CDKL3: variants seen among roughly 807,000 people sequenced by gnomAD.
The protein encoded by CDKL3 is cyclin dependent kinase like 3.
In CDKL3, 65 loss-of-function variants were observed where a neutral mutation model predicts 69.3. That is an observed-to-expected ratio of 0.94 (90% CI 0.77 to 1.15). CDKL3 has a LOEUF of 1.15. Ranked by LOEUF, CDKL3 falls within the 50% of genes most tolerant of loss-of-function variation. The pLI, the probability that CDKL3 is intolerant of heterozygous loss-of-function variation, is 0.00. For synonymous variants in CDKL3, 202 were observed against 221.6 expected (o/e 0.91, Z 0.79); for missense variants, 652 against 689.2 (o/e 0.95, Z 0.61).
At chr5:134,300,849 T>A (rs527280614) in intron 12 of CDKL3, among the ~76,000 whole-genome samples, 43 of 152,282 alleles carry the variant, frequency 2.8e-4, no homozygotes, top group African/African-American at 9.4e-4. Flanking sequence ...ATAGTCTGCC[T>A]ACCTCAGGAG....
downstream of CDKL3, among the ~76,000 whole-genome samples, chr5:134,286,016 G>A (rs944826901): frequency 6.6e-6 from 1 of 152,192 alleles, no homozygotes. Context: ...CAGTTACTCA[G>A]GAGGCTGAGG....
downstream of CDKL3, among the ~76,000 whole-genome samples, chr5:134,296,775 C>T (rs564094017): frequency 9.1e-5 from 13 of 143,114 alleles, no homozygotes; most frequent in African/African-American, 3.5e-4. Flanking sequence ...GAACAAGACC[C>T]TGTCTCTACA....
At chr5:134,317,420 C>T (rs1771422492) in intron 6 of CDKL3, among the ~76,000 whole-genome samples, 1 of 152,178 alleles carries the variant, frequency 6.6e-6, no homozygotes, top group South Asian at 2.1e-4. Context: ...TCCCAAAGTA[C>T]TGGGATTATA....
rs558037560 is a variant in CDKL3, at chr5:134,366,294, T to C, written c.165+65A>G. 6.3e-5 allele frequency: 72 copies of C among 1,143,196 alleles called. No individual in the cohort carries two copies. In the South Asian group the frequency reaches 9.9e-4, roughly 16 times the overall value. The allele number at this position is 1,143,196 out of a possible 1,614,324, so 70.8% of individuals were successfully genotyped here. A position where few individuals can be genotyped will look rare whatever the true frequency, so the allele number is the denominator to read the frequency against. On this transcript the variant is annotated intron_variant, in intron 2 of 12. Transcript: ENST00000265334. The stretch of plus-strand genomic sequence containing the variant: ...AGTACGTGTGAACTAAAATATTTTA[T>C]GCAATTTTTTATTCCATAACAATTT...
intron 8 of CDKL3, among the ~76,000 whole-genome samples, chr5:134,293,002 CTTTTTTTTTTTTTTTTTTTT>C (rs558156596): frequency 1.1e-4 from 5 of 43,896 alleles, no homozygotes; most frequent in South Asian, 1.2e-3. Context: ...CTGCCAATTT[CTTTTTTTTTTTTTTTTTTTT>C]TTTTTTTTTT....
At chr5:134,312,238 A>G in intron 7 of CDKL3, 54 bp downstream of exon 7, 1 of 1,059,122 alleles carries the variant, frequency 9.4e-7, no homozygotes, top group East Asian at 2.6e-5. Flanking sequence ...CTGCTAGTAA[A>G]ATTTCCCAAT....
intron 4 of CDKL3, among the ~76,000 whole-genome samples, chr5:134,330,572 G>A (rs1775534096): frequency 6.6e-6 from 1 of 152,036 alleles, no homozygotes. Flanking sequence ...AAATGTAGCT[G>A]GGCATGGTGG....
chr5:134,354,949 A>AC (rs1754211073), intron 3 of CDKL3, among the ~76,000 whole-genome samples: 1 of 150,800 alleles, frequency 6.6e-6, no homozygotes, highest in Non-Finnish European at 1.5e-5. Flanking sequence ...CCGTCTCAAA[A>AC]AAAAAAAAAT....
chr5:134,301,013 T>A (rs1188488209), intron 12 of CDKL3, among the ~76,000 whole-genome samples: 1 of 151,920 alleles, frequency 6.6e-6, no homozygotes, highest in Non-Finnish European at 1.5e-5. Flanking sequence ...TTTTTTTTTT[T>A]AAACGGAGTT....
At chr5:134,367,872 A>C (rs1196120187), upstream of CDKL3, among the ~76,000 whole-genome samples, 1 of 152,206 alleles carries the variant, frequency 6.6e-6, no homozygotes, top group African/African-American at 2.4e-5. Context: ...CCAGTGTCTA[A>C]CTGCTTAAGT....
At chr5:134,341,146 C>G (rs935462576) in intron 4 of CDKL3, among the ~76,000 whole-genome samples, 2 of 152,114 alleles carry the variant, frequency 1.3e-5, no homozygotes, top group East Asian at 1.9e-4. Flanking sequence ...ATCCAACACC[C>G]CTTCATGATA....
chr5:134,302,585 G>C lies in CDKL3; in HGVS notation c.1719+5C>G. ...TTAGTAAAAGCTATATACAAAAAGA[G>C]TTACCTCTTGTTTTTCTTGATTTTG... is the stretch of plus-strand genomic sequence containing the variant. On this transcript the variant is annotated splice_donor_5th_base_variant and intron_variant, in intron 12 of 12. Coordinates refer to ENST00000265334, the MANE Select transcript of CDKL3 (RefSeq NM_001113575.2). 2.0e-6 allele frequency: 3 copies of C among 1,491,936 alleles called. No homozygotes were observed. The highest frequency in any genetic ancestry group is 2.8e-6 in the Non-Finnish European group (3 of 1,077,238). 92.4% of individuals were successfully genotyped at this position (1,491,936 alleles called of 1,614,324 possible).
chr5:134,298,604 G>A lies in CDKL3; in HGVS notation c.*47C>T, dbSNP rs768359453. The A allele has an allele frequency of 1.9e-6, 3 of 1,596,542 alleles. No homozygotes were observed. Among genetic ancestry groups the A allele is most frequent in the South Asian group, 1.2e-5 (1 of 86,910 alleles). ...CTTCTATTGTAGATAAATAAAACGGGAAGAGTTGTCATCTTGTATTTTTTG... is the reference window on the plus strand; with the variant it reads ...CTTCTATTGTAGATAAATAAAACGGAAAGAGTTGTCATCTTGTATTTTTTG... On this transcript the variant is annotated 3_prime_UTR_variant, in exon 13 of 13. Transcript: ENST00000265334.
At chr5:134,303,687 T>C (rs1008422473) in intron 11 of CDKL3, among the ~76,000 whole-genome samples, 19 of 145,674 alleles carry the variant, frequency 1.3e-4, no homozygotes, top group South Asian at 4.8e-4. Context: ...CCGTCTCTAC[T>C]AAAAATACAA....
intron 2 of CDKL3, among the ~76,000 whole-genome samples, chr5:134,362,647 T>C (rs1316236165): frequency 6.6e-6 from 1 of 151,964 alleles, no homozygotes; most frequent in Non-Finnish European, 1.5e-5. Context: ...AGCCAGTGAG[T>C]GCCAGGTGCA....
chr5:134,326,666 G>GT (rs1774276932), intron 4 of CDKL3, among the ~76,000 whole-genome samples: 1 of 151,162 alleles, frequency 6.6e-6, no homozygotes, highest in Non-Finnish European at 1.5e-5. Flanking sequence ...TTAAGATGGA[G>GT]TTTCACTCTT....
At chr5:134,302,777 C>G (rs1192547359) in intron 11 of CDKL3, 90 bp from the exon 12 acceptor site, 1 of 653,982 alleles carries the variant, frequency 1.5e-6, no homozygotes, top group Non-Finnish European at 2.6e-6. Context: ...TAGAAATCCA[C>G]TAAGTCAGTT....
At chr5:134,303,670 C>G (rs963503207) in intron 11 of CDKL3, among the ~76,000 whole-genome samples, 1 of 105,006 alleles carries the variant, frequency 9.5e-6, no homozygotes, top group East Asian at 2.2e-4. Flanking sequence ...ATGGTGGAAC[C>G]CCCCCCCCGT....
At chr5:134,325,658 G>GGTAC (rs1420326052) in intron 4 of CDKL3, among the ~76,000 whole-genome samples, 2 of 151,750 alleles carry the variant, frequency 1.3e-5, no homozygotes, top group African/African-American at 4.8e-5. Context: ...GTTATATAGT[G>GGTAC]GTACCACTTT....
Sources: allele counts gnomAD v4.1 joint callset (sites outside exome capture counted in the v4.1 genomes callset), GRCh38; gene constraint gnomAD v4.1.1; transcripts MANE v1.5; gene names NCBI Gene and HGNC (gene_info 2026-07-23, HGNC 2026-07-21).